The following DSCAML1 variants were observed in gnomAD, a reference collection of about 807,000 sequenced individuals.
DSCAML1 encodes the protein cell adhesion molecule DSCAML1.
DSCAML1 carries 38 observed loss-of-function variants against 200.5 expected under a neutral mutation model. The ratio of observed to expected loss-of-function variants is 0.19; its 90% CI spans 0.15 to 0.25. DSCAML1 has a LOEUF of 0.25. DSCAML1 is among the 10% of genes least tolerant of loss of function. The pLI, the probability that DSCAML1 is intolerant of heterozygous loss-of-function variation, is 1.00. For missense variants in DSCAML1, 2,223 were observed against 2,858.8 expected (o/e 0.78, Z 5.07); for synonymous variants, 1,215 against 1,165.0 (o/e 1.04, Z -0.87).
intron 3 of DSCAML1, among the ~76,000 whole-genome samples, chr11:117,750,279 G>C (rs373323150): frequency 6.6e-6 from 1 of 152,200 alleles, no homozygotes; most frequent in Admixed American, 6.5e-5. Flanking sequence ...CTGACCGAGC[G>C]GGGATATGCA....
rs1031264106 is a variant in DSCAML1, at chr11:117,480,209, C to G, written c.2785+234G>C. 1.3e-5 allele frequency among the ~76,000 whole-genome samples: 2 copies of G among 152,214 alleles called. No individual in the cohort carries two copies. Among genetic ancestry groups the G allele is most frequent in the African/African-American group, 4.8e-5 (2 of 41,462 alleles). The stretch of plus-strand genomic sequence containing the variant: ...GCCCAGGGACAGTCCTGGAAAGGAG[C>G]TGACATCACTACCCATCAACTGGGG... On this transcript the variant is annotated intron_variant, in intron 14 of 32. Transcript: ENST00000651296. This position sits in a 1 kb window ranked among gnomAD's most constrained non-coding sequence, Gnocchi z 4.1.
intron 1 of DSCAML1, among the ~76,000 whole-genome samples, chr11:117,788,619 G>A (rs944365992): frequency 1.3e-5 from 2 of 152,202 alleles, no homozygotes; most frequent in Non-Finnish European, 2.9e-5. Flanking sequence ...GAGCCACCAT[G>A]CCCAGCCCCA....
intron 3 of DSCAML1, among the ~76,000 whole-genome samples, chr11:117,659,108 A>G (rs536730223): frequency 1.3e-5 from 2 of 152,310 alleles, no homozygotes; most frequent in African/African-American, 4.8e-5. Flanking sequence ...AGTTCCTGGG[A>G]GCAAGAATGG....
chr11:117,581,706 T>C (rs1483169791), intron 3 of DSCAML1, among the ~76,000 whole-genome samples: 2 of 152,144 alleles, frequency 1.3e-5, no homozygotes, highest in East Asian at 3.9e-4. Context: ...ACTATTATTA[T>C]CCCCGTTTTA....
chr11:117,442,234 GC>G (rs1565682981), intron 21 of DSCAML1, among the ~76,000 whole-genome samples: 1 of 151,090 alleles, frequency 6.6e-6, no homozygotes, highest in African/African-American at 2.4e-5. Context: ...GTGTGTGTGT[GC>G]GTGTGTATGC....
chr11:117,545,860 G>T (rs1178305096), intron 3 of DSCAML1, among the ~76,000 whole-genome samples: 1 of 152,224 alleles, frequency 6.6e-6, no homozygotes, highest in Non-Finnish European at 1.5e-5. Flanking sequence ...GAAGCACAGC[G>T]TCACACAACT....
At chr11:117,738,404 T>TGCTGACGTCAGCCAGACCCCTCTG in intron 3 of DSCAML1, among the ~76,000 whole-genome samples, 1 of 151,996 alleles carries the variant, frequency 6.6e-6, no homozygotes, top group African/African-American at 2.4e-5. Flanking sequence ...TTCCCCTAGA[T>TGCTGACGTCAGCCAGACCCCTCTG]GCTGACGTCA....
intron 3 of DSCAML1, among the ~76,000 whole-genome samples, chr11:117,550,882 C>T (rs1168707887): frequency 6.6e-6 from 1 of 152,228 alleles, no homozygotes; most frequent in Non-Finnish European, 1.5e-5. Context: ...CTCCTCCGGG[C>T]ACTGGCCTGC....
chr11:117,451,165 T>C (rs2048275130), intron 19 of DSCAML1, among the ~76,000 whole-genome samples: 1 of 152,116 alleles, frequency 6.6e-6, no homozygotes, highest in Non-Finnish European at 1.5e-5. Context: ...GCCCTTGGAG[T>C]GCTGGCTGGG....
At chr11:117,560,201 G>T (rs2050635965) in intron 3 of DSCAML1, among the ~76,000 whole-genome samples, 1 of 152,104 alleles carries the variant, frequency 6.6e-6, no homozygotes, top group Non-Finnish European at 1.5e-5. Context: ...AATAATAATA[G>T]CTCTAAATCC....
intron 3 of DSCAML1, among the ~76,000 whole-genome samples, chr11:117,545,861 TCA>T (rs1187613258): frequency 1.3e-5 from 2 of 152,230 alleles, no homozygotes; most frequent in African/African-American, 4.8e-5. Context: ...AAGCACAGCG[TCA>T]CACAACTCAT....
At chr11:117,432,994 T>G in intron 29 of DSCAML1, 144 bp downstream of exon 29, 19 of 690,468 alleles carry the variant, frequency 2.8e-5, no homozygotes, top group East Asian at 1.1e-4. Context: ...GAAGCCACAG[T>G]GAGTTCTAAG....
chr11:117,778,989 C>T (rs1210368073), intron 2 of DSCAML1, among the ~76,000 whole-genome samples: 1 of 152,196 alleles, frequency 6.6e-6, no homozygotes, highest in Non-Finnish European at 1.5e-5. Context: ...CTCACCCCAC[C>T]TCACCCCTAC....
chr11:117,532,640 G>A (rs959382855), intron 3 of DSCAML1, 118 bp from the exon 4 acceptor site: 4 of 1,048,928 alleles, frequency 3.8e-6, no homozygotes, highest in African/African-American at 1.6e-5. Context: ...AAATAGAAAT[G>A]GTAGTAATTG....
chr11:117,529,747 G>T (rs1415723233), intron 4 of DSCAML1, among the ~76,000 whole-genome samples: 1 of 151,644 alleles, frequency 6.6e-6, no homozygotes, highest in African/African-American at 2.4e-5. Flanking sequence ...CATCTCAGCG[G>T]ACACTCGTGC....
At chr11:117,644,325 A>C (rs2137602133) in intron 3 of DSCAML1, among the ~76,000 whole-genome samples, 1 of 152,360 alleles carries the variant, frequency 6.6e-6, no homozygotes, top group Non-Finnish European at 1.5e-5. Context: ...GCGGGAGTGC[A>C]AAGGGGATTT....
intron 8 of DSCAML1, among the ~76,000 whole-genome samples, chr11:117,508,493 C>T (rs991815461): frequency 1.3e-5 from 2 of 151,312 alleles, no homozygotes; most frequent in Non-Finnish European, 2.9e-5. Context: ...AGTTCACCTG[C>T]GAGAGGGCAG....
At chr11:117,688,403 C>T (rs955399381) in intron 3 of DSCAML1, among the ~76,000 whole-genome samples, 2 of 152,190 alleles carry the variant, frequency 1.3e-5, no homozygotes, top group Non-Finnish European at 2.9e-5. Context: ...TGGTCTCAGT[C>T]CCAGCAGGAC....
chr11:117,586,245 T>G (rs1269646701), intron 3 of DSCAML1, among the ~76,000 whole-genome samples: 1 of 135,548 alleles, frequency 7.4e-6, no homozygotes, highest in African/African-American at 2.7e-5. Context: ...CTTTCCATCT[T>G]AACCCCCTCC....
Sources: allele counts gnomAD v4.1 joint callset (sites outside exome capture counted in the v4.1 genomes callset), GRCh38; gene constraint gnomAD v4.1.1; non-coding constraint Gnocchi (gnomAD v3.1); transcripts MANE v1.5; gene names NCBI Gene and HGNC (gene_info 2026-07-23, HGNC 2026-07-21).